PRKN: variants seen among roughly 807,000 people sequenced by gnomAD.
PRKN encodes parkin RBR E3 ubiquitin protein ligase.
PRKN carries 56 observed loss-of-function variants against 59.5 expected under a neutral mutation model. The observed-to-expected ratio is 0.94, with a 90% CI of 0.76 to 1.18. The LOEUF (loss-of-function observed/expected upper bound fraction) is 1.18. PRKN is among the 50% of genes most tolerant of loss of function. The probability of loss-of-function intolerance (pLI) is 0.00; values close to 1 mark genes in which losing one functional copy is unlikely to be tolerated. For synonymous variants in PRKN, 250 were observed against 222.1 expected (o/e 1.13, Z -1.12); for missense variants, 657 against 596.4 (o/e 1.10, Z -1.06).
At chr6:162,350,461 C>G (rs1385861923) in intron 2 of PRKN, among the ~76,000 whole-genome samples, 1 of 152,058 alleles carries the variant, frequency 6.6e-6, no homozygotes, top group Non-Finnish European at 1.5e-5. Flanking sequence ...AAAAAGAGTA[C>G]GTTATTGGTA....
Position 162,102,904 on chromosome 6 carries a change from G to A in PRKN, c.535-48730C>T, listed in dbSNP as rs575255614. ...TGAAAATACAAAAAATTAGCCAGGC[G>A]TGGTGGCGGGCACCTGTAATCCCAG... On this transcript the variant is annotated intron_variant, in intron 4 of 11. Coordinates refer to ENST00000366898, the MANE Select transcript of PRKN (RefSeq NM_004562.3). Among the ~76,000 whole-genome samples, 251 of 152,020 alleles carry A rather than the reference G, an allele frequency of 1.7e-3. 6 individuals are homozygous for A. In the South Asian group the frequency reaches 0.05, roughly 30 times the overall value.
At chr6:161,753,209 T>A (rs1200744069) in intron 7 of PRKN, among the ~76,000 whole-genome samples, 1 of 152,058 alleles carries the variant, frequency 6.6e-6, no homozygotes, top group Non-Finnish European at 1.5e-5. Flanking sequence ...AAGAGTTGCA[T>A]GATAGTTGTC....
chr6:162,491,894 C>T (rs1466255215), intron 1 of PRKN, among the ~76,000 whole-genome samples: 1 of 152,166 alleles, frequency 6.6e-6, no homozygotes, highest in Non-Finnish European at 1.5e-5. Context: ...GAGAAATAAA[C>T]TGCTGCTGAG....
At chr6:162,018,917 T>A (rs1783029865) in intron 5 of PRKN, among the ~76,000 whole-genome samples, 1 of 152,208 alleles carries the variant, frequency 6.6e-6, no homozygotes, top group South Asian at 2.1e-4. Flanking sequence ...TTTCTCATAA[T>A]TTAGCCTTGG....
At chr6:162,115,681 C>T (rs771358470) in intron 4 of PRKN, among the ~76,000 whole-genome samples, 21 of 150,254 alleles carry the variant, frequency 1.4e-4, no homozygotes, top group Non-Finnish European at 2.5e-4. Context: ...CTTGAGTGTT[C>T]GGAGGATCAT....
intron 6 of PRKN, among the ~76,000 whole-genome samples, chr6:161,798,384 G>T (rs183680944): frequency 6.6e-6 from 1 of 152,170 alleles, no homozygotes; most frequent in Non-Finnish European, 1.5e-5. Context: ...AGCATTAGCT[G>T]GCCTCAGAAT....
At chr6:161,886,462 C>T (rs921385045) in intron 6 of PRKN, among the ~76,000 whole-genome samples, 4 of 152,142 alleles carry the variant, frequency 2.6e-5, no homozygotes, top group South Asian at 2.1e-4. Context: ...TATAGGAGGC[C>T]GAGGCGGGCG....
intron 1 of PRKN, among the ~76,000 whole-genome samples, chr6:162,680,563 ATC>A (rs974466956): frequency 1.0e-3 from 153 of 152,234 alleles, no homozygotes; most frequent in African/African-American, 3.2e-3. Flanking sequence ...GAGGTACCAG[ATC>A]TGTTTCTAGT....
intron 6 of PRKN, among the ~76,000 whole-genome samples, chr6:161,891,516 C>T (rs1294121851): frequency 2.7e-4 from 41 of 152,036 alleles, no homozygotes; most frequent in Admixed American, 2.6e-3. Flanking sequence ...CATGAGGCTT[C>T]GAGGTCTTAC....
intron 5 of PRKN, among the ~76,000 whole-genome samples, chr6:162,010,370 C>T (rs1316009272): frequency 2.8e-5 from 3 of 107,994 alleles, no homozygotes; most frequent in Non-Finnish European, 5.2e-5. Context: ...ATGTAATATA[C>T]ATTTATAATA....
At chr6:161,930,540 T>C (rs61089869) in intron 6 of PRKN, among the ~76,000 whole-genome samples, 6,195 of 152,310 alleles carry the variant, frequency 0.041, 396 homozygotes, top group African/African-American at 0.14. Flanking sequence ...TACCTCGTTG[T>C]AATACTAAAT....
intron 7 of PRKN, among the ~76,000 whole-genome samples, chr6:161,666,318 G>T (rs1049373785): frequency 1.3e-5 from 2 of 152,116 alleles, no homozygotes; most frequent in Non-Finnish European, 2.9e-5. Flanking sequence ...CCTTCTCATA[G>T]GAGCATGAAC....
chr6:161,450,762 A>G (rs563624849), intron 9 of PRKN, among the ~76,000 whole-genome samples: 58 of 152,228 alleles, frequency 3.8e-4, no homozygotes, highest in Middle Eastern at 6.8e-3. Context: ...TCACTGTGTT[A>G]GCCAGGATGG....
At chr6:162,694,053 C>T (rs1777878612) in intron 1 of PRKN, among the ~76,000 whole-genome samples, 1 of 151,946 alleles carries the variant, frequency 6.6e-6, no homozygotes, top group Non-Finnish European at 1.5e-5. Context: ...CGAGATCATC[C>T]TGGCTAACAC....
At position 161,372,950 on chromosome 6, in the gene PRKN, C is replaced by T. The variant is rs936792635; in HGVS notation, c.1168-12745G>A. ...GCTCTCGAGTAGCTGGGACTACAGG[C>T]ACATGCTTCTGTCCTCTGCTGATCT... On this transcript the variant is annotated intron_variant, in intron 10 of 11. Transcript: ENST00000366898. The surrounding 1 kb of genome is among the most constrained non-coding windows in gnomAD (Gnocchi z 4.2). Among the ~76,000 whole-genome samples the T allele has an allele frequency of 1.3e-5, 2 of 151,272 alleles. No individual in the cohort carries two copies. The highest frequency in any genetic ancestry group is 4.9e-5 in the African/African-American group (2 of 41,182).
At chr6:162,412,297 G>A (rs1278875783) in intron 2 of PRKN, among the ~76,000 whole-genome samples, 2 of 152,086 alleles carry the variant, frequency 1.3e-5, no homozygotes, top group Admixed American at 6.6e-5. Context: ...GGCATATCTA[G>A]AGCAAGGCTC....
In PRKN at chr6:161,457,764, CTG is replaced by C. The variant is rs1790037398; in HGVS notation, c.1084-70889_1084-70888del. Among the ~76,000 whole-genome samples the C allele has an allele frequency of 6.6e-6, 1 of 152,196 alleles. No homozygotes were observed. The highest frequency in any genetic ancestry group is 1.5e-5 in the Non-Finnish European group (1 of 68,014). ...AGGGAGAATGGGAACCACCAACTTC[CTG>C]TGTGTGTGTTACCACACTCTTAATA... On this transcript the variant is annotated intron_variant, in intron 9 of 11. Transcript: ENST00000366898. This position sits in a 1 kb window ranked among gnomAD's most constrained non-coding sequence, Gnocchi z 5.0.
chr6:162,520,811 GA>G (rs1295795565), intron 1 of PRKN, among the ~76,000 whole-genome samples: 3 of 148,854 alleles, frequency 2.0e-5, no homozygotes, highest in Non-Finnish European at 3.0e-5. Context: ...AAAAAAAAAA[GA>G]TTAAGAGTGT....
rs1398780449 is a variant in PRKN, at chr6:161,352,769, A to ATATATATATATATATTT, written c.1286-2559_1286-2558insAAATATATATATATATA. On this transcript the variant is annotated intron_variant, in intron 11 of 11. Transcript: ENST00000366898. This position sits in a 1 kb window ranked among gnomAD's most constrained non-coding sequence, Gnocchi z 5.8. ...TGTGTGTGTGTGTATATATATATATATATTTTATTTTATTTTATTTTATTT... is the reference window on the plus strand; with the variant it reads ...TGTGTGTGTGTGTATATATATATATATATATATATATATATTTTATTTTATTTTATTTTATTTTATTT... 8.4e-6 allele frequency among the ~76,000 whole-genome samples: 1 copy of ATATATATATATATATTT among 119,444 alleles called. No individual in the cohort carries two copies. The highest frequency in any genetic ancestry group is 2.9e-5 in the African/African-American group (1 of 34,324). 78.4% of individuals were successfully genotyped at this position (119,444 alleles called of 152,430 possible).
Sources: allele counts gnomAD v4.1 joint callset (sites outside exome capture counted in the v4.1 genomes callset), GRCh38; gene constraint gnomAD v4.1.1; non-coding constraint Gnocchi (gnomAD v3.1); transcripts MANE v1.5; gene names NCBI Gene and HGNC (gene_info 2026-07-23, HGNC 2026-07-21).